TASP1: variants seen among roughly 807,000 people sequenced by gnomAD.
TASP1 encodes threonine aspartase 1.
In TASP1, 16 loss-of-function variants were observed where a neutral mutation model predicts 56.6. That is an observed-to-expected ratio of 0.28 (90% confidence interval 0.19 to 0.43). TASP1 has a LOEUF of 0.43. TASP1 is among the 20% of genes least tolerant of loss of function. TASP1 has a pLI of 1.00. For synonymous variants in TASP1, 179 were observed against 184.2 expected (o/e 0.97, Z 0.23); for missense variants, 393 against 511.6 (o/e 0.77, Z 2.24).
At chr20:13,605,438 G>A (rs1046464165) in intron 4 of TASP1, among the ~76,000 whole-genome samples, 7 of 152,026 alleles carry the variant, frequency 4.6e-5, no homozygotes, top group Non-Finnish European at 8.8e-5. Flanking sequence ...ATCACTTTTG[G>A]AGGCTGAGAC....
chr20:13,418,558 A>G (rs2042336809), intron 12 of TASP1, among the ~76,000 whole-genome samples: 1 of 143,944 alleles, frequency 6.9e-6, no homozygotes, highest in Non-Finnish European at 1.5e-5. Context: ...ATAAGTATAG[A>G]AAAAATAACA....
rs118079685 is a variant in TASP1, at chr20:13,569,872, T to G, written c.489-286A>C. On this transcript the variant is annotated intron_variant, in intron 6 of 13. Transcript: ENST00000337743. ...GATGTAAAAATGGTTGACTTCTCAG[T>G]AGAAAACATTAAGATTTATCTTGGA... 1.2e-3 allele frequency among the ~76,000 whole-genome samples: 182 copies of G among 152,266 alleles called. 2 individuals carry two copies. Among genetic ancestry groups the G allele is most frequent in the Non-Finnish European group, 2.3e-3 (157 of 67,956 alleles).
chr20:13,587,966 A>G (rs1328163895), intron 4 of TASP1, among the ~76,000 whole-genome samples: 1 of 152,048 alleles, frequency 6.6e-6, no homozygotes, highest in Non-Finnish European at 1.5e-5. Flanking sequence ...TCTATACAAA[A>G]AAATTTAAAA....
chr20:13,105,716 A>G, the TASP1 span, among the ~76,000 whole-genome samples: 20 of 152,186 alleles, frequency 1.3e-4, no homozygotes, highest in Non-Finnish European at 8.8e-5. Context: ...AGCCACATTT[A>G]CCATCTATCA....
At chr20:13,179,293 TGA>T in the TASP1 span, among the ~76,000 whole-genome samples, 6 of 152,172 alleles carry the variant, frequency 3.9e-5, no homozygotes, top group African/African-American at 1.4e-4. Flanking sequence ...CTATTGACAT[TGA>T]GAGTATAAAT....
At chr20:13,123,819 C>T in the TASP1 span, among the ~76,000 whole-genome samples, 3 of 152,208 alleles carry the variant, frequency 2.0e-5, no homozygotes, top group Non-Finnish European at 2.9e-5. Context: ...CACAGGTCCA[C>T]GTAAGCCTCC....
chr20:13,550,662 A>G (rs1458943150), intron 8 of TASP1, among the ~76,000 whole-genome samples: 1 of 152,136 alleles, frequency 6.6e-6, no homozygotes, highest in Non-Finnish European at 1.5e-5. Context: ...ACTCCAGACC[A>G]TGCAAAGTCA....
the TASP1 span, among the ~76,000 whole-genome samples, chr20:13,220,259 G>A: frequency 6.6e-6 from 1 of 152,216 alleles, no homozygotes; most frequent in Non-Finnish European, 1.5e-5. Flanking sequence ...GCGGGAGCCC[G>A]AGCAAGGTCA....
At chr20:13,313,140 T>C in the TASP1 span, among the ~76,000 whole-genome samples, 2 of 152,262 alleles carry the variant, frequency 1.3e-5, no homozygotes, top group African/African-American at 4.8e-5. Flanking sequence ...TGCCCACAGA[T>C]CCCTTCTACA....
intron 11 of TASP1, among the ~76,000 whole-genome samples, chr20:13,468,474 T>C (rs1460129037): frequency 1.3e-5 from 2 of 152,158 alleles, no homozygotes; most frequent in Admixed American, 1.3e-4. Flanking sequence ...TTTTCAAATA[T>C]CTGGTAGGTT....
intron 11 of TASP1, among the ~76,000 whole-genome samples, chr20:13,466,684 T>C (rs1034761072): frequency 3.3e-5 from 5 of 152,182 alleles, no homozygotes; most frequent in African/African-American, 1.2e-4. Context: ...GAAGTTGCAC[T>C]GAGCTAAGAT....
At chr20:13,183,944 G>A in the TASP1 span, among the ~76,000 whole-genome samples, 1 of 151,506 alleles carries the variant, frequency 6.6e-6, no homozygotes, top group Admixed American at 6.6e-5. Flanking sequence ...CGGGAGAATG[G>A]TGTGAACCCA....
intron 13 of TASP1, among the ~76,000 whole-genome samples, chr20:13,391,102 T>C (rs1007163986): frequency 4.6e-5 from 7 of 152,128 alleles, no homozygotes; most frequent in Admixed American, 3.3e-4. Context: ...AGGTAGGTGG[T>C]TCATGTAGCA....
At chr20:13,559,330 C>T (rs185924536) in intron 7 of TASP1, among the ~76,000 whole-genome samples, 2 of 152,140 alleles carry the variant, frequency 1.3e-5, no homozygotes, top group Non-Finnish European at 2.9e-5. Context: ...CCCAGAGAAA[C>T]AAAGGAGTCC....
chr20:13,502,207 A>G (rs1191454231), intron 10 of TASP1, among the ~76,000 whole-genome samples: 1 of 152,104 alleles, frequency 6.6e-6, no homozygotes, highest in African/African-American at 2.4e-5. Flanking sequence ...TTGAAAAATA[A>G]TACATTAAAA....
At chr20:13,332,884 AT>A in the TASP1 span, among the ~76,000 whole-genome samples, 1 of 152,148 alleles carries the variant, frequency 6.6e-6, no homozygotes, top group Admixed American at 6.6e-5. Context: ...CTGTTGCTTG[AT>A]TTGTATGTTG....
the TASP1 span, among the ~76,000 whole-genome samples, chr20:13,180,662 G>T: frequency 1.3e-5 from 2 of 152,122 alleles, no homozygotes; most frequent in African/African-American, 2.4e-5. Context: ...AGTAACATTG[G>T]AATACAAAGG....
chr20:13,636,845 C>T (rs1044602804), intron 1 of TASP1, among the ~76,000 whole-genome samples: 1 of 152,066 alleles, frequency 6.6e-6, no homozygotes, highest in Non-Finnish European at 1.5e-5. Context: ...TGAACTCCTA[C>T]CTCACATCAT....
At chr20:13,632,046 C>T (rs1188356902) in intron 1 of TASP1, among the ~76,000 whole-genome samples, 1 of 149,454 alleles carries the variant, frequency 6.7e-6, no homozygotes, top group African/African-American at 2.5e-5. Flanking sequence ...AGCAAGACTT[C>T]GTCTCAAAAA....
Sources: gnomAD v4.1 joint callset for allele counts (sites outside exome capture counted in the v4.1 genomes callset) on GRCh38, gnomAD v4.1.1 for gene constraint, MANE v1.5 for transcripts, NCBI Gene and HGNC (gene_info 2026-07-23, HGNC 2026-07-21) for gene names.